Variants in GSTCD observed in about 807,000 individuals in gnomAD.
GSTCD encodes glutathione S-transferase C-terminal domain containing.
In GSTCD, 44 loss-of-function variants were observed where a neutral mutation model predicts 68.3. That is an observed-to-expected ratio of 0.64 (90% CI 0.51 to 0.83). GSTCD has a LOEUF of 0.83. Ranked by LOEUF, GSTCD falls within the 40% of genes least tolerant of loss-of-function variation. The pLI, the probability that GSTCD is intolerant of heterozygous loss-of-function variation, is 0.00. For missense variants in GSTCD, 739 were observed against 735.9 expected (o/e 1.00, Z -0.05); for synonymous variants, 273 against 255.2 (o/e 1.07, Z -0.67).
intron 5 of GSTCD, among the ~76,000 whole-genome samples, chr4:105,775,665 A>G (rs1445132737): frequency 6.6e-6 from 1 of 152,202 alleles, no homozygotes; most frequent in Non-Finnish European, 1.5e-5. Flanking sequence ...TTGCCTGGGT[A>G]TCACCAGTGG....
chr4:105,709,786 A>G (rs550935754), intron 1 of GSTCD, among the ~76,000 whole-genome samples: 17 of 152,264 alleles, frequency 1.1e-4, no homozygotes, highest in African/African-American at 3.8e-4. Flanking sequence ...GTGTATTTCT[A>G]TTTTACCTAA....
intron 8 of GSTCD, among the ~76,000 whole-genome samples, chr4:105,831,544 T>C (rs532256532): frequency 1.3e-5 from 2 of 152,244 alleles, no homozygotes; most frequent in African/African-American, 4.8e-5. Flanking sequence ...TTTCTCTTAC[T>C]TGGAGCAATA....
At chr4:105,811,162 G>C (rs1722732195) in intron 5 of GSTCD, among the ~76,000 whole-genome samples, 1 of 152,094 alleles carries the variant, frequency 6.6e-6, no homozygotes, top group Non-Finnish European at 1.5e-5. Context: ...TACTATGCTA[G>C]TGGGCATTGC....
At chr4:105,766,887 CTTTTTTTTTTTT>C in intron 5 of GSTCD, among the ~76,000 whole-genome samples, 1 of 57,138 alleles carries the variant, frequency 1.8e-5, no homozygotes, top group African/African-American at 8.0e-5. Flanking sequence ...GTTTTTGACT[CTTTTTTTTTTTT>C]TTTTTTTTTT....
At chr4:105,773,911 G>C (rs572282133) in intron 5 of GSTCD, among the ~76,000 whole-genome samples, 1 of 152,138 alleles carries the variant, frequency 6.6e-6, no homozygotes, top group African/African-American at 2.4e-5. Context: ...GAATATCCTT[G>C]TTAATTTTCT....
intron 5 of GSTCD, among the ~76,000 whole-genome samples, chr4:105,800,926 A>T (rs1736082740): frequency 6.6e-6 from 1 of 152,160 alleles, no homozygotes; most frequent in Admixed American, 6.6e-5. Context: ...CTGAGTTCAC[A>T]GCCAACAGCA....
At chr4:105,736,357 C>T (rs906402971) in intron 5 of GSTCD, among the ~76,000 whole-genome samples, 3 of 152,108 alleles carry the variant, frequency 2.0e-5, no homozygotes, top group Non-Finnish European at 4.4e-5. Context: ...TAAATTCCTA[C>T]AGAAAGGGAT....
intron 5 of GSTCD, chr4:105,815,341 G>A (rs1315244017): frequency 6.6e-6 from 1 of 152,108 alleles, no homozygotes; most frequent in Non-Finnish European, 1.5e-5. Context: ...TGTTGTTTCT[G>A]TATTAGATAG....
intron 5 of GSTCD, among the ~76,000 whole-genome samples, chr4:105,786,326 C>T (rs1354875125): frequency 6.6e-6 from 1 of 151,922 alleles, no homozygotes; most frequent in Non-Finnish European, 1.5e-5. Context: ...CCTTGGTCAA[C>T]ATGGAGAAAC....
At position 105,757,801 on chromosome 4, in the gene GSTCD, T is replaced by C. The variant is rs185753120; in HGVS notation, c.1240+28302T>C. 4.2e-3 allele frequency among the ~76,000 whole-genome samples: 646 copies of C among 152,300 alleles called. 7 individuals carry two copies. The highest frequency in any genetic ancestry group is 0.015 in the African/African-American group (608 of 41,558). ...TTGATTCTATATTAAAAAGAAGCCA[T>C]TGTTAGGTTTGAATGCCTATAGAAT... On this transcript the variant is annotated intron_variant, in intron 5 of 11. Transcript: ENST00000515279.
intron 5 of GSTCD, among the ~76,000 whole-genome samples, chr4:105,809,514 T>C (rs1260792337): frequency 6.6e-6 from 1 of 152,118 alleles, no homozygotes; most frequent in East Asian, 1.9e-4. Context: ...ACGTTTACTC[T>C]TCCTTGCTCT....
chr4:105,817,628 A>T (rs1723063241), intron 5 of GSTCD, among the ~76,000 whole-genome samples: 1 of 151,826 alleles, frequency 6.6e-6, no homozygotes, highest in Non-Finnish European at 1.5e-5. Flanking sequence ...CTAGATTTTT[A>T]GTGTTTTCAA....
chr4:105,819,881 TA>T (rs900203692), intron 5 of GSTCD, among the ~76,000 whole-genome samples: 31 of 148,018 alleles, frequency 2.1e-4, no homozygotes, highest in Admixed American at 3.4e-4. Context: ...GTCTCCATAT[TA>T]AAAAAAAAAC....
intron 5 of GSTCD, among the ~76,000 whole-genome samples, chr4:105,805,991 G>T (rs1722474357): frequency 6.6e-6 from 1 of 151,958 alleles, no homozygotes; most frequent in South Asian, 2.1e-4. Context: ...GGCTGATTTT[G>T]CATTATATTT....
chr4:105,812,711 C>T (rs1307963761), intron 5 of GSTCD, among the ~76,000 whole-genome samples: 1 of 151,976 alleles, frequency 6.6e-6, no homozygotes, highest in African/African-American at 2.4e-5. Context: ...TTAACTCCAG[C>T]ACTCCCACCA....
chr4:105,722,410 C>G (rs900536948), intron 3 of GSTCD, among the ~76,000 whole-genome samples: 1 of 151,980 alleles, frequency 6.6e-6, no homozygotes, highest in African/African-American at 2.4e-5. Flanking sequence ...TTAGCTTTAA[C>G]TCACTAGTTC....
At chr4:105,819,916 A>G (rs1560845750) in intron 5 of GSTCD, among the ~76,000 whole-genome samples, 1 of 151,716 alleles carries the variant, frequency 6.6e-6, no homozygotes, top group Non-Finnish European at 1.5e-5. Context: ...TTGGTGTGCT[A>G]TATCTCAAAC....
chr4:105,719,456 C>T lies in GSTCD; in HGVS notation c.823C>T (p.His275Tyr). ...AGCCTCCGACCTTCCACCTCTGGAG[C>T]ATGTGTTTGCAGAAGGGCTTTACTT... is the stretch of plus-strand genomic sequence containing the variant. ...AKASDLPPLE[H>Y]VFAEGLYFTL... is the part of the protein sequence containing the mutation. Residue 275 changes from histidine to tyrosine, a missense_variant, in exon 3 of 12, where the codon CAT becomes TAT. Physicochemically the swap from His to Tyr is moderately conservative, Grantham distance 83. Coordinates refer to ENST00000515279, the MANE Select transcript of GSTCD (RefSeq NM_001370181.1). The T allele has an allele frequency of 1.9e-6, 3 of 1,614,050 alleles. No homozygotes were observed. Among genetic ancestry groups the T allele is most frequent in the African/African-American group, 1.3e-5 (1 of 75,032 alleles).
chr4:105,719,156 G>C lies in GSTCD; in HGVS notation c.523G>C (p.Glu175Gln). 6.2e-7 allele frequency: 1 copy of C among 1,614,050 alleles called. No individual in the cohort carries two copies. Among genetic ancestry groups the C allele is most frequent in the Non-Finnish European group, 8.5e-7 (1 of 1,179,996 alleles). ...SSDQPPTIPV[E>Q]ILQLEKKLSE... ...TGACCAGCCCCCAACTATACCTGTA[G>C]AAATACTACAGCTAGAGAAAAAGCT... Residue 175 changes from glutamate to glutamine, a missense_variant, in exon 3 of 12, where the codon GAA becomes CAA. Glu to Gln is a conservative substitution (Grantham distance 29). Coordinates refer to ENST00000515279, the MANE Select transcript of GSTCD (RefSeq NM_001370181.1).
Sources: gnomAD v4.1 joint callset for allele counts (sites outside exome capture counted in the v4.1 genomes callset) on GRCh38, gnomAD v4.1.1 for gene constraint, MANE v1.5 for transcripts, NCBI Gene and HGNC (gene_info 2026-07-23, HGNC 2026-07-21) for gene names.